SPIDR: variants seen among roughly 807,000 people sequenced by gnomAD.
The protein encoded by SPIDR is scaffold protein involved in DNA repair.
SPIDR carries 93 observed loss-of-function variants against 104.6 expected under a neutral mutation model. The observed-to-expected ratio is 0.89, with a 90% confidence interval of 0.75 to 1.06. The LOEUF (loss-of-function observed/expected upper bound fraction) is 1.06. Among genes scored for constraint, SPIDR ranks in the 50% least tolerant of loss-of-function variants. SPIDR has a pLI of 0.00. For missense variants in SPIDR, 1,154 were observed against 1,111.2 expected, an observed-to-expected ratio of 1.04 and a Z score of -0.55; for synonymous variants, 431 against 416.9, an observed-to-expected ratio of 1.03 and a Z score of -0.41.
chr8:47,440,597 A>T, intron 8 of SPIDR, 55 bp downstream of exon 8: 1 of 1,534,600 alleles, frequency 6.5e-7, no homozygotes, highest in Admixed American at 1.9e-5. Flanking sequence ...GCCTCGTAAG[A>T]AAAGACATTT....
intron 3 of SPIDR, among the ~76,000 whole-genome samples, chr8:47,287,387 G>A (rs2039046731): frequency 6.6e-6 from 1 of 152,054 alleles, no homozygotes; most frequent in Non-Finnish European, 1.5e-5. Context: ...CAGAAAACAG[G>A]GTTGGAGAGC....
intron 5 of SPIDR, among the ~76,000 whole-genome samples, chr8:47,382,633 G>A (rs1395404310): frequency 6.6e-6 from 1 of 152,096 alleles, no homozygotes; most frequent in Non-Finnish European, 1.5e-5. Context: ...GGATGGTCTC[G>A]ATCTCTTGAC....
chr8:47,584,170 T>G (rs1456644904), intron 8 of SPIDR, among the ~76,000 whole-genome samples: 3 of 152,220 alleles, frequency 2.0e-5, no homozygotes, highest in African/African-American at 4.8e-5. Flanking sequence ...GACTAAAATT[T>G]CAGGCTTTTC....
In SPIDR at chr8:47,700,349, A is replaced by G. The variant is rs2079989469; in HGVS notation, c.1686-54A>G. On this transcript the variant is annotated intron_variant, in intron 11 of 19. Coordinates refer to ENST00000297423, the MANE Select transcript of SPIDR (RefSeq NM_001080394.4). ...AAGCATTCTACCAGCTCACTGGCCAAGTACTCAGTAAGGGATGTCTGATGA... is the reference window on the plus strand; with the variant it reads ...AAGCATTCTACCAGCTCACTGGCCAGGTACTCAGTAAGGGATGTCTGATGA... 2.5e-6 allele frequency: 4 copies of G among 1,571,568 alleles called. No individual in the cohort carries two copies. The Admixed American group carries it at 6.7e-5, about 26-fold the overall frequency.
At chr8:47,489,947 G>A (rs1410788877) in intron 8 of SPIDR, among the ~76,000 whole-genome samples, 2 of 152,128 alleles carry the variant, frequency 1.3e-5, no homozygotes, top group African/African-American at 2.4e-5. Flanking sequence ...CATGGGCAAG[G>A]ACTCCATGAC....
intron 5 of SPIDR, among the ~76,000 whole-genome samples, chr8:47,364,232 C>G (rs1054175713): frequency 6.6e-6 from 1 of 152,200 alleles, no homozygotes; most frequent in Non-Finnish European, 1.5e-5. Context: ...CTCTTCTAGA[C>G]TCTCACAGGG....
chr8:47,634,402 G>A (rs375937050), intron 10 of SPIDR, among the ~76,000 whole-genome samples: 3 of 152,070 alleles, frequency 2.0e-5, no homozygotes, highest in South Asian at 2.1e-4. Flanking sequence ...GGTGAGCCGA[G>A]ATCATGCCAC....
At chr8:47,617,690 G>A (rs1056465446) in intron 10 of SPIDR, among the ~76,000 whole-genome samples, 7 of 152,180 alleles carry the variant, frequency 4.6e-5, no homozygotes, top group African/African-American at 1.7e-4. Flanking sequence ...TCATCCTGCA[G>A]TGCAAACAGT....
intron 5 of SPIDR, among the ~76,000 whole-genome samples, chr8:47,348,423 G>GTC (rs1207550930): frequency 6.6e-6 from 1 of 152,092 alleles, no homozygotes; most frequent in Non-Finnish European, 1.5e-5. Flanking sequence ...ACAATTATGT[G>GTC]TCTTGGAGTT....
At chr8:47,427,104 C>A (rs1554685545) in intron 7 of SPIDR, among the ~76,000 whole-genome samples, 7 of 152,032 alleles carry the variant, frequency 4.6e-5, no homozygotes, top group Non-Finnish European at 1.0e-4. Context: ...AAATCATATA[C>A]TATTTCCATA....
At chr8:47,677,544 G>A (rs936246392) in intron 11 of SPIDR, among the ~76,000 whole-genome samples, 4 of 152,172 alleles carry the variant, frequency 2.6e-5, no homozygotes, top group Non-Finnish European at 4.4e-5. Context: ...TTGAAGGGCC[G>A]TTTTACAGTA....
intron 16 of SPIDR, 138 bp downstream of exon 16, chr8:47,713,779 A>T (rs2082189456): frequency 5.9e-6 from 7 of 1,186,716 alleles, no homozygotes; most frequent in African/African-American, 3.1e-5. Context: ...GAACAAAAGC[A>T]GAAATTGTTC....
intron 5 of SPIDR, among the ~76,000 whole-genome samples, chr8:47,336,622 C>T (rs971631415): frequency 6.6e-6 from 1 of 152,096 alleles, no homozygotes; most frequent in Admixed American, 6.6e-5. Flanking sequence ...TTTTTGAGAG[C>T]AGAAGGTCAT....
intron 8 of SPIDR, among the ~76,000 whole-genome samples, chr8:47,581,213 C>G (rs2154411514): frequency 6.6e-6 from 1 of 152,216 alleles, no homozygotes; most frequent in South Asian, 2.1e-4. Context: ...GTATATGTCT[C>G]TCTATGAACT....
intron 6 of SPIDR, among the ~76,000 whole-genome samples, chr8:47,404,022 A>T (rs1421151764): frequency 6.6e-6 from 1 of 152,204 alleles, no homozygotes; most frequent in African/African-American, 2.4e-5. Flanking sequence ...AATGGAACAA[A>T]ACAGAGCCTT....
chr8:47,687,706 T>G (rs556014605), intron 11 of SPIDR, among the ~76,000 whole-genome samples: 14 of 152,336 alleles, frequency 9.2e-5, no homozygotes, highest in African/African-American at 2.9e-4. Context: ...CTAAAGATCT[T>G]CACACTTCTG....
intron 11 of SPIDR, among the ~76,000 whole-genome samples, chr8:47,689,218 C>T (rs2078268920): frequency 6.6e-6 from 1 of 152,208 alleles, no homozygotes; most frequent in Non-Finnish European, 1.5e-5. Flanking sequence ...GACCCCCAGG[C>T]AGGGCCGCAG....
chr8:47,578,434 T>G (rs2059367336), intron 8 of SPIDR, among the ~76,000 whole-genome samples: 1 of 152,060 alleles, frequency 6.6e-6, no homozygotes, highest in South Asian at 2.1e-4. Context: ...ATGGCGCCAT[T>G]GCACTCCAGC....
rs561685024 is a variant in SPIDR at position 47,409,263 on chromosome 8, CT to C, written c.877+1313del. 3.2e-4 allele frequency among the ~76,000 whole-genome samples: 47 copies of C among 147,638 alleles called. 1 individual carries two copies. The highest frequency in any genetic ancestry group is 1.8e-3 in the East Asian group (9 of 5,090). On this transcript the variant is annotated intron_variant, in intron 7 of 19. Coordinates refer to ENST00000297423, the MANE Select transcript of SPIDR (RefSeq NM_001080394.4). ...CAAGGACTTGTACTCTGAAAACTGA[CT>C]TTTTTTTTTTCAGGTGTCATATAGG...
Sources: gnomAD v4.1 joint callset for allele counts (sites outside exome capture counted in the v4.1 genomes callset) on GRCh38, gnomAD v4.1.1 for gene constraint, MANE v1.5 for transcripts, NCBI Gene and HGNC (gene_info 2026-07-23, HGNC 2026-07-21) for gene names.